Variants in CRACD observed in about 807,000 individuals in gnomAD.
CRACD encodes capping protein inhibiting regulator of actin dynamics.
CRACD carries 56 observed loss-of-function variants against 106.8 expected under a neutral mutation model. The ratio of observed to expected loss-of-function variants is 0.52; its 90% confidence interval spans 0.42 to 0.66. The LOEUF is 0.66. CRACD is among the 30% of genes least tolerant of loss of function. The pLI, the probability that CRACD is intolerant of heterozygous loss-of-function variation, is 0.00. For missense variants in CRACD, 1,730 were observed against 1,623.2 expected (o/e 1.07, Z -1.13); for synonymous variants, 754 against 670.8 (o/e 1.12, Z -1.92).
At chr4:56,136,339 T>C (rs972904723) in intron 1 of CRACD, among the ~76,000 whole-genome samples, 2 of 152,214 alleles carry the variant, frequency 1.3e-5, no homozygotes, top group Non-Finnish European at 2.9e-5. Flanking sequence ...ACTGATAAAC[T>C]GTTTTCCATA....
intron 1 of CRACD, among the ~76,000 whole-genome samples, chr4:56,178,250 G>A (rs1331757675): frequency 1.3e-5 from 2 of 152,034 alleles, no homozygotes; most frequent in Non-Finnish European, 2.9e-5. Flanking sequence ...CTTCTCTCTG[G>A]GATCGCCTCA....
At chr4:56,307,443 CT>C in intron 4 of CRACD, 91 bp from the exon 5 acceptor site, 1 of 1,262,018 alleles carries the variant, frequency 7.9e-7, no homozygotes, top group Non-Finnish European at 1.1e-6. Flanking sequence ...CAAGGTATGC[CT>C]CAGTGCTCAC....
chr4:56,218,075 C>T (rs1738806998), intron 2 of CRACD, among the ~76,000 whole-genome samples: 1 of 152,126 alleles, frequency 6.6e-6, no homozygotes, highest in African/African-American at 2.4e-5. Flanking sequence ...TCCCAATTTC[C>T]CCTTTTTACA....
intron 2 of CRACD, among the ~76,000 whole-genome samples, chr4:56,188,477 A>G (rs1240477843): frequency 6.6e-6 from 1 of 151,722 alleles, no homozygotes; most frequent in African/African-American, 2.4e-5. Context: ...TCTCTTCTCC[A>G]TCTCTTCTGG....
At chr4:56,256,961 C>T (rs1007383806) in intron 2 of CRACD, among the ~76,000 whole-genome samples, 5 of 151,822 alleles carry the variant, frequency 3.3e-5, no homozygotes, top group Admixed American at 3.3e-4. Context: ...AACATTAAAA[C>T]AGAGATCTTA....
intron 1 of CRACD, among the ~76,000 whole-genome samples, chr4:56,101,850 G>T (rs1733785684): frequency 6.6e-6 from 1 of 151,154 alleles, no homozygotes; most frequent in South Asian, 2.1e-4. Flanking sequence ...TATGTTACAT[G>T]TATCCTTCTC....
intron 2 of CRACD, among the ~76,000 whole-genome samples, chr4:56,231,422 A>G (rs1434663651): frequency 6.6e-6 from 1 of 152,206 alleles, no homozygotes; most frequent in African/African-American, 2.4e-5. Context: ...CTAATATTAA[A>G]AGCTTCTGTT....
At chr4:56,123,433 C>T (rs112040218) in intron 1 of CRACD, among the ~76,000 whole-genome samples, 3 of 152,298 alleles carry the variant, frequency 2.0e-5, no homozygotes, top group African/African-American at 7.2e-5. Context: ...TATCTATCTT[C>T]CACTTCTTGT....
chr4:56,324,305 G>C, intron 10 of CRACD, 39 bp downstream of exon 10: 1 of 1,585,522 alleles, frequency 6.3e-7, no homozygotes, highest in Non-Finnish European at 8.6e-7. Flanking sequence ...TGTAGTTCCA[G>C]GTTTCTCTTT....
chr4:56,209,381 T>C (rs571368804), intron 2 of CRACD, among the ~76,000 whole-genome samples: 3 of 152,252 alleles, frequency 2.0e-5, no homozygotes, highest in South Asian at 2.1e-4. Flanking sequence ...TTAACAAACA[T>C]ACATTTTATG....
chr4:56,199,822 T>A (rs1737800019), intron 2 of CRACD, among the ~76,000 whole-genome samples: 1 of 152,148 alleles, frequency 6.6e-6, no homozygotes, highest in African/African-American at 2.4e-5. Context: ...GAAAGACATT[T>A]TCTCTTCTTT....
chr4:56,093,995 C>G (rs992903491), intron 1 of CRACD, among the ~76,000 whole-genome samples: 5 of 152,180 alleles, frequency 3.3e-5, no homozygotes, highest in Admixed American at 2.0e-4. Context: ...ACTTGGATGA[C>G]TGCATTTGGG....
chr4:56,198,204 T>A (rs1415258754), intron 2 of CRACD, among the ~76,000 whole-genome samples: 1 of 152,154 alleles, frequency 6.6e-6, no homozygotes, highest in South Asian at 2.1e-4. Flanking sequence ...AAAACGTACA[T>A]ATAAAATGGC....
chr4:56,316,444 G>A lies in CRACD; in HGVS notation c.2942G>A (p.Ser981Asn). ...CCAGCATCCCCACTTTCCAAACTGA[G>A]CAGGCCCTACTTGGTAGAGCTGCTG... ...TPPASPLSKL[S>N]RPYLVELLSR... The change falls in exon 8 of 11, where the codon AGC becomes AAC. Residue 981 changes from serine to asparagine, a missense_variant. Ser to Asn is a conservative substitution (Grantham distance 46, BLOSUM62 1). Transcript: ENST00000682029. The A allele has an allele frequency of 6.2e-7, 1 of 1,614,136 alleles. No homozygotes were observed. The highest frequency in any genetic ancestry group is 8.5e-7 in the Non-Finnish European group (1 of 1,179,948).
intron 1 of CRACD, among the ~76,000 whole-genome samples, chr4:56,172,777 C>A (rs1736427449): frequency 6.6e-6 from 1 of 152,184 alleles, no homozygotes; most frequent in South Asian, 2.1e-4. Context: ...TTGCGTGCCA[C>A]CATGCCCAGC....
intron 1 of CRACD, chr4:56,097,433 C>G (rs1423806475): frequency 6.5e-6 from 1 of 152,854 alleles, no homozygotes; most frequent in Non-Finnish European, 1.5e-5. Flanking sequence ...CTCGTCTGAT[C>G]TCGGAAGCTA....
At chr4:56,268,755 T>C (rs1304723644) in intron 2 of CRACD, among the ~76,000 whole-genome samples, 4 of 152,196 alleles carry the variant, frequency 2.6e-5, no homozygotes, top group African/African-American at 9.6e-5. Flanking sequence ...TTACAGAATG[T>C]TTTTACATTT....
chr4:56,322,644 C>G (rs893785461), intron 8 of CRACD, among the ~76,000 whole-genome samples: 1 of 152,156 alleles, frequency 6.6e-6, no homozygotes, highest in Non-Finnish European at 1.5e-5. Flanking sequence ...GAGTAGTGCT[C>G]CTTTTTCATC....
At chr4:56,205,724 C>T (rs1333485842) in intron 2 of CRACD, among the ~76,000 whole-genome samples, 6 of 152,150 alleles carry the variant, frequency 3.9e-5, no homozygotes, top group Non-Finnish European at 7.4e-5. Flanking sequence ...GTGATCCTCT[C>T]GCTTCAGCCT....
Sources: allele counts gnomAD v4.1 joint callset (sites outside exome capture counted in the v4.1 genomes callset), GRCh38; gene constraint gnomAD v4.1.1; transcripts MANE v1.5; gene names NCBI Gene and HGNC (gene_info 2026-07-23, HGNC 2026-07-21).